Variants in MDFIC observed in about 807,000 individuals in gnomAD.
The protein encoded by MDFIC is myoD family inhibitor domain-containing protein.
Under a neutral mutation model 23.2 loss-of-function variants are expected in MDFIC, and 17 were observed. That is an observed-to-expected ratio of 0.73 (90% CI 0.50 to 1.10). MDFIC has a LOEUF of 1.10. Ranked by LOEUF, MDFIC falls within the 50% of genes least tolerant of loss-of-function variation. The probability of loss-of-function intolerance (pLI) is 0.00; values close to 1 mark genes in which losing one functional copy is unlikely to be tolerated. For missense variants in MDFIC, 356 were observed against 316.6 expected (o/e 1.12, Z -0.95); for synonymous variants, 120 against 115.2 (o/e 1.04, Z -0.27).
intron 4 of MDFIC, among the ~76,000 whole-genome samples, chr7:114,995,321 T>C (rs892353122): frequency 6.6e-6 from 1 of 152,168 alleles, no homozygotes; most frequent in Non-Finnish European, 1.5e-5. Flanking sequence ...AGAAGTTTGG[T>C]CGTCTGAAGC....
intron 3 of MDFIC, among the ~76,000 whole-genome samples, chr7:114,978,730 A>G (rs111349974): frequency 0.011 from 1,603 of 152,154 alleles, 34 homozygotes; most frequent in African/African-American, 0.034. Flanking sequence ...AAATCTGTGC[A>G]CATCTCAAAA....
At chr7:114,958,249 G>A (rs1043926380) in intron 3 of MDFIC, among the ~76,000 whole-genome samples, 1 of 152,140 alleles carries the variant, frequency 6.6e-6, no homozygotes, top group Non-Finnish European at 1.5e-5. Context: ...TCCTTCAATG[G>A]CTTTAGTGTT....
chr7:115,014,272 C>T (rs1032551016), intron 4 of MDFIC: 2 of 985,240 alleles, frequency 2.0e-6, no homozygotes, highest in Non-Finnish European at 2.4e-6. Flanking sequence ...TAAGAGACTG[C>T]CGTAGGTACC....
At chr7:115,003,052 C>A (rs1414936833) in intron 4 of MDFIC, among the ~76,000 whole-genome samples, 2 of 152,158 alleles carry the variant, frequency 1.3e-5, no homozygotes, top group African/African-American at 4.8e-5. Flanking sequence ...CCTAACACAT[C>A]GCCAAAATTT....
Position 115,016,184 on chromosome 7 carries a change from A to AC in MDFIC, c.*255dup, listed in dbSNP as rs930840172. Reference sequence around the variant, plus strand: ...TACAATAACTTAGGGACATTTTGACACCCCCCTTCCCAAATGTTAAATGCC... The same window carrying AC: ...TACAATAACTTAGGGACATTTTGACACCCCCCCTTCCCAAATGTTAAATGCC... On this transcript the variant is annotated 3_prime_UTR_variant, in exon 5 of 5. Coordinates refer to ENST00000393486, the MANE Select transcript of MDFIC (RefSeq NM_001166345.3). The AC allele has an allele frequency of 4.8e-5, 19 of 398,374 alleles. No individual in the cohort carries two copies. Among genetic ancestry groups the AC allele is most frequent in the African/African-American group, 3.7e-4 (18 of 48,466 alleles). 24.7% of individuals were successfully genotyped at this position (398,374 alleles called of 1,614,324 possible).
At chr7:114,932,373 T>C (rs1366515202) in intron 2 of MDFIC, among the ~76,000 whole-genome samples, 1 of 152,154 alleles carries the variant, frequency 6.6e-6, no homozygotes, top group Non-Finnish European at 1.5e-5. Context: ...CAGGATCTGG[T>C]AATTGATTAT....
intron 2 of MDFIC, 112 bp from the exon 3 acceptor site, chr7:114,942,163 C>A: frequency 1.5e-6 from 1 of 649,970 alleles, no homozygotes; most frequent in Non-Finnish European, 2.3e-6. Context: ...TATACCTGTT[C>A]TATTTCCTTA....
At chr7:114,928,843 G>A (rs914191791) in intron 2 of MDFIC, among the ~76,000 whole-genome samples, 8 of 152,132 alleles carry the variant, frequency 5.3e-5, no homozygotes, top group African/African-American at 1.7e-4. Context: ...AAAGATTAGA[G>A]GACTTAGGGC....
chr7:115,015,726 G>A lies in MDFIC; in HGVS notation c.532G>A (p.Glu178Lys), dbSNP rs147614154. 3.4e-5 allele frequency: 55 copies of A among 1,614,018 alleles called. No individual in the cohort carries two copies. The highest frequency in any genetic ancestry group is 1.4e-4 in the South Asian group (13 of 91,082). The change falls in exon 5 of 5, where the codon GAA (glutamate) becomes AAA (lysine). Residue 178 changes from glutamate (E) to lysine (K), a missense_variant. Coordinates refer to ENST00000393486, the MANE Select transcript of MDFIC (RefSeq NM_001166345.3). ...CTGTATCCTGGCTTGCTTGTTCTGC[G>A]AATTCCTGACCCTTTGCAACATTGT... ...VHCILACLFC[E>K]FLTLCNIVLG...
intron 4 of MDFIC, among the ~76,000 whole-genome samples, chr7:114,980,394 T>C (rs948068881): frequency 5.9e-5 from 9 of 152,184 alleles, no homozygotes; most frequent in Admixed American, 2.6e-4. Context: ...CACTTGGCTG[T>C]GTTCTCTGTC....
chr7:114,979,817 G>C lies in MDFIC; in HGVS notation c.493+36G>C, dbSNP rs1026830416. 10 of 1,583,470 alleles carry C rather than the reference G, an allele frequency of 6.3e-6. No homozygotes were observed. The African/African-American group carries it at 1.4e-4, about 21-fold the overall frequency. The stretch of plus-strand genomic sequence containing the variant: ...GATATATGTAGATTTTATTTGACCA[G>C]ATGTAAAATAATATTTCCTGGTAAT... On this transcript the variant is annotated intron_variant, in intron 4 of 4. Coordinates refer to ENST00000393486, the MANE Select transcript of MDFIC (RefSeq NM_001166345.3).
chr7:114,947,544 G>T (rs747688482), intron 3 of MDFIC, among the ~76,000 whole-genome samples: 7 of 152,118 alleles, frequency 4.6e-5, no homozygotes, highest in Non-Finnish European at 1.0e-4. Context: ...TAGCATGGAG[G>T]TCAAGTTACC....
chr7:115,003,425 C>T (rs188382745), intron 4 of MDFIC, among the ~76,000 whole-genome samples: 16 of 152,284 alleles, frequency 1.1e-4, no homozygotes, highest in African/African-American at 3.6e-4. Flanking sequence ...AACTGTTTTT[C>T]CTCCTGGATT....
In MDFIC at chr7:114,945,002, G is replaced by A. The variant is rs544501660; in HGVS notation, c.217+2605G>A. Among the ~76,000 whole-genome samples the A allele has an allele frequency of 5.9e-5, 9 of 152,334 alleles. No individual in the cohort carries two copies. The South Asian group carries it at 8.3e-4, about 14-fold the overall frequency. Reference sequence around the variant, plus strand: ...AAAAATGAGGCTGGCTGGGGTGTGGGAACATTTTCAAATGCACAACCCACT... The same window carrying A: ...AAAAATGAGGCTGGCTGGGGTGTGGAAACATTTTCAAATGCACAACCCACT... On this transcript the variant is annotated intron_variant, in intron 3 of 4. Coordinates refer to ENST00000393486, the MANE Select transcript of MDFIC (RefSeq NM_001166345.3).
At chr7:114,931,048 T>G (rs1042871377) in intron 2 of MDFIC, among the ~76,000 whole-genome samples, 1 of 152,166 alleles carries the variant, frequency 6.6e-6, no homozygotes, top group Non-Finnish European at 1.5e-5. Flanking sequence ...TCTCTCTCTC[T>G]CCCTCCGTCC....
chr7:114,989,884 G>A (rs1793575684), intron 4 of MDFIC, among the ~76,000 whole-genome samples: 1 of 152,134 alleles, frequency 6.6e-6, no homozygotes, highest in African/African-American at 2.4e-5. Context: ...TGAGTTCCAA[G>A]TCTCTGACTT....
intron 4 of MDFIC, among the ~76,000 whole-genome samples, chr7:114,993,316 T>G (rs1791231551): frequency 6.6e-6 from 1 of 152,182 alleles, no homozygotes; most frequent in Non-Finnish European, 1.5e-5. Flanking sequence ...CTGGATTCAT[T>G]GATTTTTTGA....
intron 4 of MDFIC, among the ~76,000 whole-genome samples, chr7:114,986,211 A>G (rs1245138875): frequency 6.6e-6 from 1 of 151,788 alleles, no homozygotes; most frequent in African/African-American, 2.4e-5. Context: ...TTTTAAAACT[A>G]TTTTTTGGTT....
Position 115,012,459 on chromosome 7 carries a change from C to G in MDFIC, c.494-3229C>G, listed in dbSNP as rs1354241717. 4.6e-5 allele frequency among the ~76,000 whole-genome samples: 7 copies of G among 152,130 alleles called. 1 individual carries two copies. In the East Asian group the frequency reaches 1.3e-3, roughly 29 times the overall value. ...GTGAGAATGTGGAGTAATGAGCACT[C>G]TCATACTTGGTTTGTGGGAGTAAAT... is the stretch of plus-strand genomic sequence containing the variant. On this transcript the variant is annotated intron_variant, in intron 4 of 4. Coordinates refer to ENST00000393486, the MANE Select transcript of MDFIC (RefSeq NM_001166345.3).
Sources: gnomAD v4.1 joint callset for allele counts (sites outside exome capture counted in the v4.1 genomes callset) on GRCh38, gnomAD v4.1.1 for gene constraint, MANE v1.5 for transcripts, NCBI Gene and HGNC (gene_info 2026-07-23, HGNC 2026-07-21) for gene names.